PLXNA2: variants seen among roughly 807,000 people sequenced by gnomAD.
PLXNA2 encodes plexin-A2.
A neutral mutation model predicts 193.5 loss-of-function variants in PLXNA2; 91 were observed. That is an observed-to-expected ratio of 0.47 (90% CI 0.40 to 0.56). The LOEUF is 0.56. Among genes scored for constraint, PLXNA2 ranks in the 20% least tolerant of loss-of-function variants. PLXNA2 has a pLI of 0.00. For synonymous variants in PLXNA2, 997 were observed against 1,027.3 expected (o/e 0.97, Z 0.56); for missense variants, 1,995 against 2,503.2 (o/e 0.80, Z 4.33).
At chr1:208,031,781 G>A in intron 28 of PLXNA2, 22 bp from the exon 29 acceptor site, 1 of 1,565,850 alleles carries the variant, frequency 6.4e-7, no homozygotes, top group Non-Finnish European at 8.7e-7. Context: ...GTGGGGGAGA[G>A]TAAGATGGAG....
chr1:208,088,116 A>G (rs569877430), intron 9 of PLXNA2, among the ~76,000 whole-genome samples: 12 of 152,208 alleles, frequency 7.9e-5, no homozygotes, highest in Admixed American at 6.5e-5. Context: ...CTCTAGGCCA[A>G]CTGGAGCCAG....
intron 17 of PLXNA2, among the ~76,000 whole-genome samples, chr1:208,047,107 C>T (rs565762368): frequency 6.6e-6 from 1 of 152,038 alleles, no homozygotes; most frequent in Non-Finnish European, 1.5e-5. Flanking sequence ...ATTACAGGCA[C>T]GTGCCACCAC....
At chr1:208,054,958 C>CT (rs1321918659) in intron 13 of PLXNA2, among the ~76,000 whole-genome samples, 8 of 152,176 alleles carry the variant, frequency 5.3e-5, no homozygotes, top group African/African-American at 1.9e-4. Context: ...GCTACACTCC[C>CT]TAAAGGAGTG....
intron 3 of PLXNA2, among the ~76,000 whole-genome samples, chr1:208,167,705 C>T (rs1249876): frequency 0.94 from 143,114 of 152,286 alleles, 67,889 homozygotes; most frequent in East Asian, 1. Flanking sequence ...TCTTCCCTAA[C>T]GGGAGTGAGC....
At chr1:208,045,771 A>G (rs1330476824) in intron 18 of PLXNA2, 107 bp downstream of exon 18, 4 of 1,381,572 alleles carry the variant, frequency 2.9e-6, no homozygotes, top group Non-Finnish European at 4.0e-6. Flanking sequence ...TGCAAGTTCA[A>G]TTGCATAGAA....
intron 11 of PLXNA2, among the ~76,000 whole-genome samples, chr1:208,079,796 TTTG>T (rs201235810): frequency 4.4e-5 from 5 of 114,078 alleles, no homozygotes; most frequent in African/African-American, 9.1e-5. Flanking sequence ...GTTGTTTTTT[TTTG>T]TGAGGTTGGA....
At chr1:208,068,510 A>G (rs1665869311) in intron 12 of PLXNA2, among the ~76,000 whole-genome samples, 1 of 152,064 alleles carries the variant, frequency 6.6e-6, no homozygotes, top group Non-Finnish European at 1.5e-5. Context: ...CAGCCTTTTC[A>G]CCGAAGATCT....
chr1:208,051,390 G>C lies in PLXNA2; in HGVS notation c.3027C>G (p.Pro1009=), dbSNP rs142802909. The C allele has an allele frequency of 2.6e-5, 42 of 1,612,294 alleles. No individual in the cohort carries two copies. Among genetic ancestry groups the C allele is most frequent in the Non-Finnish European group, 3.5e-5 (41 of 1,179,560 alleles). The change falls in exon 16 of 32, where the codon CCC becomes CCG. Residue 1009 remains proline (P), a synonymous_variant. Coordinates refer to ENST00000367033, the MANE Select transcript of PLXNA2 (RefSeq NM_025179.4). ...CCGGGCCAAGGCCATTGGATGATGG[G>C]GGTGAGACACACACGATCTCACTCA... The part of the protein sequence containing the change: ...RSMSEIVCVS[P]PSSNGLGPVP...
chr1:208,131,110 G>A (rs1668135353), intron 4 of PLXNA2, among the ~76,000 whole-genome samples: 1 of 152,106 alleles, frequency 6.6e-6, no homozygotes, highest in Non-Finnish European at 1.5e-5. Flanking sequence ...CTCCCTCAGG[G>A]GCACCCAGAG....
In PLXNA2 at chr1:208,098,979, A is replaced by G. The variant is rs1364469449; in HGVS notation, c.1608-10T>C. ...GTCCCTGCGGGAGCACCTGCCATAA[A>G]CACAGATTCACAAGAGGTCAGGCCT... On this transcript the variant is annotated splice_polypyrimidine_tract_variant and intron_variant, in intron 5 of 31. Coordinates refer to ENST00000367033, the MANE Select transcript of PLXNA2 (RefSeq NM_025179.4). The G allele has an allele frequency of 6.2e-7, 1 of 1,612,464 alleles. No homozygotes were observed. The highest frequency in any genetic ancestry group is 8.5e-7 in the Non-Finnish European group (1 of 1,179,862).
intron 3 of PLXNA2, among the ~76,000 whole-genome samples, chr1:208,173,275 C>T (rs1213035859): frequency 1.3e-5 from 2 of 152,222 alleles, no homozygotes; most frequent in African/African-American, 2.4e-5. Context: ...AATGCCTTTA[C>T]TGCCATATCG....
At chr1:208,047,581 C>T (rs867811755) in intron 17 of PLXNA2, among the ~76,000 whole-genome samples, 1 of 152,242 alleles carries the variant, frequency 6.6e-6, no homozygotes, top group Non-Finnish European at 1.5e-5. Flanking sequence ...CCACCCAGCA[C>T]AGCTCAGTTT....
At chr1:208,224,644 C>A (rs1251073535) in intron 1 of PLXNA2, among the ~76,000 whole-genome samples, 8 of 151,922 alleles carry the variant, frequency 5.3e-5, no homozygotes, top group Admixed American at 5.2e-4. Context: ...TCATTTTTTC[C>A]CTAGACTCTG....
chr1:208,027,212 C>T lies in PLXNA2; in HGVS notation c.*31G>A, dbSNP rs770932545. ...TCCCAGTGTGACAGCTTGGACAGGT[C>T]CCTCTTCCCAGGAATGCGAGGCTCC... On this transcript the variant is annotated 3_prime_UTR_variant, in exon 32 of 32. Coordinates refer to ENST00000367033, the MANE Select transcript of PLXNA2 (RefSeq NM_025179.4). The T allele has an allele frequency of 1.9e-6, 3 of 1,569,380 alleles. No homozygotes were observed. The highest frequency in any genetic ancestry group is 2.2e-5 in the South Asian group (2 of 90,106).
chr1:208,205,597 C>T (rs1384968383), intron 3 of PLXNA2, among the ~76,000 whole-genome samples: 4 of 152,228 alleles, frequency 2.6e-5, no homozygotes, highest in Non-Finnish European at 5.9e-5. Context: ...TCATCGCACG[C>T]TTTGCTGACA....
chr1:208,142,019 C>A (rs536754107), intron 4 of PLXNA2, among the ~76,000 whole-genome samples: 1 of 152,334 alleles, frequency 6.6e-6, no homozygotes, highest in East Asian at 1.9e-4. Context: ...CTCTGTGGGC[C>A]TGAGAGCAGT....
chr1:208,060,891 G>T, intron 12 of PLXNA2, 54 bp from the exon 13 acceptor site: 1 of 1,555,696 alleles, frequency 6.4e-7, no homozygotes, highest in Non-Finnish European at 8.8e-7. Context: ...AACAGAAACA[G>T]CAGCACCCTT....
At chr1:208,199,743 A>C (rs1670480294) in intron 3 of PLXNA2, among the ~76,000 whole-genome samples, 1 of 152,130 alleles carries the variant, frequency 6.6e-6, no homozygotes, top group Non-Finnish European at 1.5e-5. Flanking sequence ...AAGGGCCCCA[A>C]AATTGGAATT....
intron 3 of PLXNA2, among the ~76,000 whole-genome samples, chr1:208,163,042 A>C (rs1320678624): frequency 6.6e-6 from 1 of 152,222 alleles, no homozygotes; most frequent in Non-Finnish European, 1.5e-5. Context: ...CATCAGGCAG[A>C]GAGAGGGAGG....
Sources: allele counts gnomAD v4.1 joint callset (sites outside exome capture counted in the v4.1 genomes callset), GRCh38; gene constraint gnomAD v4.1.1; transcripts MANE v1.5; gene names NCBI Gene and HGNC (gene_info 2026-07-23, HGNC 2026-07-21).